The following CSMD2 variants were observed in gnomAD, a reference collection of about 807,000 sequenced individuals.
CSMD2 encodes CUB and sushi domain-containing protein 2.
CSMD2 carries 130 observed loss-of-function variants against 398.5 expected under a neutral mutation model. That is an observed-to-expected ratio of 0.33 (90% CI 0.28 to 0.38). CSMD2 has a LOEUF of 0.38. Ranked by LOEUF, CSMD2 falls within the 10% of genes least tolerant of loss-of-function variation. The probability of loss-of-function intolerance (pLI) is 1.00; values close to 1 mark genes in which losing one functional copy is unlikely to be tolerated. For missense variants in CSMD2, 3,829 were observed against 4,764.9 expected (o/e 0.80, Z 5.78); for synonymous variants, 1,828 against 1,908.5 (o/e 0.96, Z 1.10).
chr1:33,829,361 T>A (rs913306367), intron 6 of CSMD2, among the ~76,000 whole-genome samples: 3 of 152,336 alleles, frequency 2.0e-5, no homozygotes, highest in African/African-American at 7.2e-5. Flanking sequence ...AGATTAAATT[T>A]ACTTTTATTT....
At chr1:34,157,312 G>A (rs796681853) in intron 1 of CSMD2, among the ~76,000 whole-genome samples, 6 of 152,212 alleles carry the variant, frequency 3.9e-5, no homozygotes, top group African/African-American at 1.4e-4. Context: ...ACAATGTGAG[G>A]CGGGTCAAGG....
chr1:33,617,650 T>A (rs143092141), intron 37 of CSMD2, 33 bp from the exon 38 acceptor site: 1 of 1,548,314 alleles, frequency 6.5e-7, no homozygotes, highest in African/African-American at 1.4e-5. Context: ...GAAAGGAGAA[T>A]GGACTAGCCC....
At chr1:33,844,200 T>C (rs147899458) in intron 6 of CSMD2, among the ~76,000 whole-genome samples, 60 of 152,240 alleles carry the variant, frequency 3.9e-4, no homozygotes, top group Non-Finnish European at 7.6e-4. Flanking sequence ...TCCTTCAGAG[T>C]AGTAGTTGTC....
chr1:33,568,433 C>T (rs866083053), intron 52 of CSMD2, among the ~76,000 whole-genome samples: 15 of 152,292 alleles, frequency 9.8e-5, no homozygotes, highest in African/African-American at 2.9e-4. Context: ...ATGATCCACC[C>T]GCCTTTGCTT....
chr1:33,821,169 A>G (rs1166452588), intron 7 of CSMD2, among the ~76,000 whole-genome samples: 1 of 152,140 alleles, frequency 6.6e-6, no homozygotes, highest in Non-Finnish European at 1.5e-5. Flanking sequence ...AGTGCCACCC[A>G]TCAAGGGCAC....
chr1:33,990,434 G>C (rs1217056816), intron 3 of CSMD2, among the ~76,000 whole-genome samples: 1 of 152,106 alleles, frequency 6.6e-6, no homozygotes, highest in African/African-American at 2.4e-5. Context: ...AATTAATGAG[G>C]ATTCACCCCA....
At chr1:33,913,066 C>T (rs1173747871) in intron 5 of CSMD2, among the ~76,000 whole-genome samples, 1 of 152,174 alleles carries the variant, frequency 6.6e-6, no homozygotes, top group East Asian at 1.9e-4. Flanking sequence ...CCCACCTCAG[C>T]CTCCCAAAGT....
intron 6 of CSMD2, among the ~76,000 whole-genome samples, chr1:33,832,054 A>T (rs566938533): frequency 2.0e-5 from 3 of 150,002 alleles, no homozygotes; most frequent in South Asian, 2.2e-4. Context: ...CTCCCACACA[A>T]TAATAATGGG....
At chr1:33,970,141 T>C (rs534990120) in intron 3 of CSMD2, among the ~76,000 whole-genome samples, 2 of 150,124 alleles carry the variant, frequency 1.3e-5, no homozygotes, top group South Asian at 4.2e-4. Flanking sequence ...AGGCAGAAAT[T>C]CAAAGGCAGT....
Position 33,966,972 on chromosome 1 carries a change from C to T in CSMD2, c.518-31018G>A, listed in dbSNP as rs140296922. Among the ~76,000 whole-genome samples the T allele has an allele frequency of 5.2e-3, 792 of 152,196 alleles. 6 individuals carry two copies. The highest frequency in any genetic ancestry group is 0.018 in the African/African-American group (739 of 41,508). Reference sequence around the variant, plus strand: ...TGGCTGCTGAGCTGACCTTTAAGTACGAGAAAAGGTTTAAACATTTCGCAA... The same window carrying T: ...TGGCTGCTGAGCTGACCTTTAAGTATGAGAAAAGGTTTAAACATTTCGCAA... On this transcript the variant is annotated intron_variant, in intron 3 of 70. Transcript: ENST00000373381.
intron 10 of CSMD2, among the ~76,000 whole-genome samples, chr1:33,801,671 T>C (rs1201678520): frequency 6.6e-6 from 1 of 152,144 alleles, no homozygotes; most frequent in Non-Finnish European, 1.5e-5. Context: ...AAAAGTGCTG[T>C]AGGAACAGGA....
At chr1:33,707,758 G>T (rs1645854809) in intron 22 of CSMD2, among the ~76,000 whole-genome samples, 1 of 149,882 alleles carries the variant, frequency 6.7e-6, no homozygotes, top group Admixed American at 6.6e-5. Context: ...ACACCCCAGA[G>T]GACATATGCC....
At chr1:33,847,187 G>T (rs1379479517) in intron 5 of CSMD2, among the ~76,000 whole-genome samples, 191 bp from the exon 6 acceptor site, 1 of 152,028 alleles carries the variant, frequency 6.6e-6, no homozygotes, top group Non-Finnish European at 1.5e-5. Flanking sequence ...GCTCCTCCAG[G>T]GTCTCATCCC....
chr1:34,139,184 C>T (rs1639039239), intron 1 of CSMD2, among the ~76,000 whole-genome samples: 1 of 152,204 alleles, frequency 6.6e-6, no homozygotes, highest in African/African-American at 2.4e-5. Flanking sequence ...AGGGCCTCTG[C>T]TCTCAGGGGT....
chr1:34,097,485 A>T (rs1318992812), intron 1 of CSMD2, among the ~76,000 whole-genome samples: 400 of 124,248 alleles, frequency 3.2e-3, no homozygotes, highest in Admixed American at 6.2e-3. Flanking sequence ...AACCTACAAA[A>T]TGGGAGAAAA....
intron 58 of CSMD2, among the ~76,000 whole-genome samples, chr1:33,541,653 T>G (rs34150871): frequency 0.2 from 30,571 of 151,990 alleles, 3,249 homozygotes; most frequent in East Asian, 0.36. Flanking sequence ...AATTTTGTTT[T>G]GTCAAATCCC....
intron 1 of CSMD2, among the ~76,000 whole-genome samples, chr1:34,093,302 T>A (rs1658870116): frequency 6.6e-6 from 1 of 151,858 alleles, no homozygotes. Flanking sequence ...ACCACAAAGA[T>A]GGGGAAAAAA....
At chr1:33,882,989 C>T (rs2125179349) in intron 5 of CSMD2, among the ~76,000 whole-genome samples, 1 of 152,280 alleles carries the variant, frequency 6.6e-6, no homozygotes. Context: ...CTCCAGCCTA[C>T]TTCATAAATT....
At chr1:33,927,997 A>T (rs539955679) in intron 4 of CSMD2, among the ~76,000 whole-genome samples, 1 of 152,318 alleles carries the variant, frequency 6.6e-6, no homozygotes, top group East Asian at 1.9e-4. Flanking sequence ...GGGAAACCGC[A>T]AGAGACTGCC....
Sources: gnomAD v4.1 joint callset for allele counts (sites outside exome capture counted in the v4.1 genomes callset) on GRCh38, gnomAD v4.1.1 for gene constraint, MANE v1.5 for transcripts, NCBI Gene and HGNC (gene_info 2026-07-23, HGNC 2026-07-21) for gene names.